PSIP1: variants seen among roughly 807,000 people sequenced by gnomAD.
PSIP1 encodes the protein PC4 and SRSF1 interacting protein 1.
A neutral mutation model predicts 74.7 loss-of-function variants in PSIP1; 19 were observed. The observed-to-expected ratio is 0.25, with a 90% CI of 0.18 to 0.37. PSIP1 has a LOEUF of 0.37. Among genes scored for constraint, PSIP1 ranks in the 10% least tolerant of loss-of-function variants. The pLI is 1.00. For missense variants in PSIP1, 601 were observed against 614.3 expected, an observed-to-expected ratio of 0.98 and a Z score of 0.23; for synonymous variants, 222 against 195.3, an observed-to-expected ratio of 1.14 and a Z score of -1.14.
At chr9:15,504,812 G>C (rs923563258) in intron 3 of PSIP1, 2 of 151,504 alleles carry the variant, frequency 1.3e-5, no homozygotes, top group African/African-American at 4.8e-5. Context: ...TTATAAAACT[G>C]AAAAATGCTA....
chr9:15,482,510 C>T (rs977566145), intron 6 of PSIP1, among the ~76,000 whole-genome samples: 1 of 152,116 alleles, frequency 6.6e-6, no homozygotes, highest in Non-Finnish European at 1.5e-5. Flanking sequence ...TTCCTAGTGT[C>T]CCAAGAAATT....
At chr9:15,502,266 A>T (rs891359354) in intron 3 of PSIP1, among the ~76,000 whole-genome samples, 4 of 152,246 alleles carry the variant, frequency 2.6e-5, no homozygotes, top group Admixed American at 2.0e-4. Flanking sequence ...CATTAAGGTA[A>T]TAATGACAAA....
chr9:15,474,217 C>T lies in PSIP1; in HGVS notation c.650G>A (p.Ser217Asn). 6.2e-7 allele frequency: 1 copy of T among 1,610,902 alleles called. No individual in the cohort carries two copies. The highest frequency in any genetic ancestry group is 8.5e-7 in the Non-Finnish European group (1 of 1,179,234). Residue 217 changes from serine to asparagine, a missense_variant, in exon 9 of 16, where the codon AGT becomes AAT. By Grantham distance (46) the Ser-to-Asn change is conservative. Around this residue, in one of 2 missense-constraint regions of PSIP1, gnomAD observed 538 missense variants for 507.6 expected, o/e 1.06. Transcript: ENST00000380733. ...ESDIITEEDK[S>N]KKKGQEEKQP... ...TTTTTCCTCTTGCCCCTTTTTCTTA[C>T]TTTTGTCCTCTTCAGTAATGCTATT... is the stretch of plus-strand genomic sequence containing the variant.
intron 3 of PSIP1, among the ~76,000 whole-genome samples, chr9:15,503,194 C>T (rs938070007): frequency 2.0e-5 from 3 of 151,764 alleles, no homozygotes; most frequent in Non-Finnish European, 4.4e-5. Context: ...TGGTGAAACC[C>T]CATCTCTACT....
At chr9:15,509,362 A>C (rs1050870123) in intron 2 of PSIP1, among the ~76,000 whole-genome samples, 32 of 152,314 alleles carry the variant, frequency 2.1e-4, no homozygotes, top group African/African-American at 7.0e-4. Context: ...CTAAAAATGG[A>C]GCGTAGATCT....
chr9:15,481,878 GAAT>G (rs1563878100), intron 6 of PSIP1, among the ~76,000 whole-genome samples: 2 of 151,932 alleles, frequency 1.3e-5, no homozygotes, highest in East Asian at 1.9e-4. Flanking sequence ...TAAAATCAAA[GAAT>G]AATAAATATT....
chr9:15,499,354 TCAATA>T (rs2037225903), intron 3 of PSIP1, among the ~76,000 whole-genome samples: 1 of 152,184 alleles, frequency 6.6e-6, no homozygotes, highest in Non-Finnish European at 1.5e-5. Context: ...TTAACTGAAT[TCAATA>T]CTAGTTTTAT....
intron 8 of PSIP1, among the ~76,000 whole-genome samples, chr9:15,477,050 T>G (rs996105146): frequency 6.6e-6 from 1 of 152,136 alleles, no homozygotes; most frequent in African/African-American, 2.4e-5. Flanking sequence ...GGGACCTAAT[T>G]AGGGAACACT....
rs533028085 is a variant in PSIP1 at position 15,473,775 on chromosome 9, C to G, written c.858+234G>C. On this transcript the variant is annotated intron_variant, in intron 9 of 15. Coordinates refer to ENST00000380733, the MANE Select transcript of PSIP1 (RefSeq NM_033222.5). ...AATTAGCCGGTAGTGGTGGCACATGCCTGTACTTCCAGCTACTCAGGAGGC... is the reference window on the plus strand; with the variant it reads ...AATTAGCCGGTAGTGGTGGCACATGGCTGTACTTCCAGCTACTCAGGAGGC... Among the ~76,000 whole-genome samples, 16 of 152,038 alleles carry G rather than the reference C, an allele frequency of 1.1e-4. No homozygotes were observed. The South Asian group carries it at 3.3e-3, about 32-fold the overall frequency.
At chr9:15,490,396 T>C (rs2036770372) in intron 3 of PSIP1, among the ~76,000 whole-genome samples, 1 of 152,136 alleles carries the variant, frequency 6.6e-6, no homozygotes. Flanking sequence ...TAAAAATGGT[T>C]ACATCGCCAT....
rs186612442 is a variant in PSIP1 at position 15,464,722 on chromosome 9, G to C, written c.*798C>G. The C allele has an allele frequency of 4.9e-6, 1 of 202,244 alleles. No homozygotes were observed. Among genetic ancestry groups the C allele is most frequent in the Non-Finnish European group, 1.0e-5 (1 of 98,456 alleles). The allele number at this position is 202,244 out of a possible 1,614,324, so 12.5% of individuals were successfully genotyped here. On this transcript the variant is annotated 3_prime_UTR_variant, in exon 16 of 16. Coordinates refer to ENST00000380733, the MANE Select transcript of PSIP1 (RefSeq NM_033222.5). ...TAAACTTACTTAGTTTTCAGTTTTA[G>C]TTACTAGTGCCTGCCTATAAAAGGA...
chr9:15,484,327 G>A (rs998009708), intron 6 of PSIP1, among the ~76,000 whole-genome samples: 3 of 151,494 alleles, frequency 2.0e-5, no homozygotes, highest in Non-Finnish European at 2.9e-5. Flanking sequence ...GGCCAGGCCC[G>A]GTGGCTCACA....
rs75679576 is a variant in PSIP1 at position 15,506,365 on chromosome 9, A to G, written c.149+196T>C. The stretch of plus-strand genomic sequence containing the variant: ...TCTACTTTCCTTTTTGGTTAAGGAA[A>G]TATCAATTCCAGTAAAAAATAAACC... On this transcript the variant is annotated intron_variant, in intron 3 of 15. Transcript: ENST00000380733. 6.4e-3 allele frequency: 2,711 copies of G among 422,920 alleles called. 64 individuals carry two copies. Among genetic ancestry groups the G allele is most frequent in the African/African-American group, 0.048 (2,438 of 50,396 alleles). The allele number at this position is 422,920 out of a possible 1,614,324, so 26.2% of individuals were successfully genotyped here. A position where few individuals can be genotyped will look rare whatever the true frequency, so the allele number is the denominator to read the frequency against.
At chr9:15,467,643 A>G (rs755826768) in intron 14 of PSIP1, among the ~76,000 whole-genome samples, 1 of 152,260 alleles carries the variant, frequency 6.6e-6, no homozygotes, top group Non-Finnish European at 1.5e-5. Context: ...CCAAAGCTGG[A>G]TGACAAGGAC....
At chr9:15,488,935 G>C (rs1445562023) in intron 4 of PSIP1, among the ~76,000 whole-genome samples, 1 of 152,096 alleles carries the variant, frequency 6.6e-6, no homozygotes, top group Admixed American at 6.5e-5. Flanking sequence ...GCAGGAGAAT[G>C]GTGTGAACCC....
At chr9:15,477,812 T>A (rs2036155142) in intron 8 of PSIP1, among the ~76,000 whole-genome samples, 2 of 152,046 alleles carry the variant, frequency 1.3e-5, no homozygotes, top group Admixed American at 1.3e-4. Flanking sequence ...AGCCCTATTT[T>A]TAAATAAAGC....
At position 15,472,625 on chromosome 9, in the gene PSIP1, T is replaced by A. The variant is rs763556230; in HGVS notation, c.977+7A>T. ...AACCCAAAATTTAGAAAAAAAAAAATACTTACTGCTCAGTTTCCATTTGTT... is the reference window on the plus strand; with the variant it reads ...AACCCAAAATTTAGAAAAAAAAAAAAACTTACTGCTCAGTTTCCATTTGTT... On this transcript the variant is annotated splice_region_variant and intron_variant, in intron 10 of 15. Transcript: ENST00000380733. 9.6e-6 allele frequency: 15 copies of A among 1,564,880 alleles called. No individual in the cohort carries two copies. The highest frequency in any genetic ancestry group is 2.4e-5 in the South Asian group (2 of 82,050).
At chr9:15,484,643 C>T (rs573462383) in intron 6 of PSIP1, among the ~76,000 whole-genome samples, 3 of 152,120 alleles carry the variant, frequency 2.0e-5, no homozygotes, top group Admixed American at 6.5e-5. Context: ...AGGAGAATCA[C>T]GTGAACCTGG....
Position 15,499,389 on chromosome 9 carries a change from T to C in PSIP1, c.149+7172A>G, listed in dbSNP as rs117990826. 6.3e-3 allele frequency among the ~76,000 whole-genome samples: 967 copies of C among 152,344 alleles called. 4 individuals are homozygous for C. The highest frequency in any genetic ancestry group is 0.011 in the Non-Finnish European group (763 of 68,030). ...TTTTATAATACTGAGGCAGCTCAAA[T>C]GCTACAATGTGTTTCTTACATGGCA... On this transcript the variant is annotated intron_variant, in intron 3 of 15. Transcript: ENST00000380733.
Sources: gnomAD v4.1 joint callset for allele counts (sites outside exome capture counted in the v4.1 genomes callset) on GRCh38, gnomAD v4.1.1 for gene constraint, gnomAD v4.1.1 regional missense constraint, MANE v1.5 for transcripts, NCBI Gene and HGNC (gene_info 2026-07-23, HGNC 2026-07-21) for gene names.